The following MFRP variants were observed in gnomAD, a reference collection of about 807,000 sequenced individuals.
The protein encoded by MFRP is membrane frizzled-related protein.
A neutral mutation model predicts 65.8 loss-of-function variants in MFRP; 74 were observed. The observed-to-expected ratio is 1.12, with a 90% CI of 0.93 to 1.36. The LOEUF (loss-of-function observed/expected upper bound fraction) is 1.36, where lower values mean the gene tolerates loss of function less well. MFRP is among the 40% of genes most tolerant of loss of function. The pLI is 0.00. For synonymous variants in MFRP, 336 were observed against 288.3 expected, an observed-to-expected ratio of 1.17 and a Z score of -1.68; for missense variants, 838 against 736.0, an observed-to-expected ratio of 1.14 and a Z score of -1.60.
chr11:119,346,492 T>G lies in MFRP; in HGVS notation c.22A>C (p.Ile8Leu). ...GATTCTGTTGCCTCCATGCAGAGGATGACATCTGAGAAGTCCTTCATGGCA... is the reference window on the plus strand; with the variant it reads ...GATTCTGTTGCCTCCATGCAGAGGAGGACATCTGAGAAGTCCTTCATGGCA... Reference protein sequence around the residue: MKDFSDVILCMEATESSK... With the variant: MKDFSDVLLCMEATESSK... Residue 8 changes from isoleucine to leucine, a missense_variant, in exon 1 of 15, where the codon ATC becomes CTC. Coordinates refer to ENST00000619721, the MANE Select transcript of MFRP (RefSeq NM_031433.4). The G allele has an allele frequency of 6.2e-7, 1 of 1,614,126 alleles. No individual in the cohort carries two copies. The highest frequency in any genetic ancestry group is 8.5e-7 in the Non-Finnish European group (1 of 1,180,016).
rs1334606011 is a variant in MFRP at position 119,346,167 on chromosome 11, T to A, written c.158-8A>T. 6.3e-7 allele frequency: 1 copy of A among 1,582,622 alleles called. No homozygotes were observed. The highest frequency in any genetic ancestry group is 8.6e-7 in the Non-Finnish European group (1 of 1,163,864). On this transcript the variant is annotated splice_polypyrimidine_tract_variant and splice_region_variant and intron_variant, in intron 2 of 14. Transcript: ENST00000619721. ...GCCCTCGAGGACGCCGACCTGCGGG[T>A]TGGCAGGTGGGGTTTTGAAAGCCCC...
At chr11:119,340,499 C>T (rs965120899) in intron 13 of MFRP, 59 bp from the exon 14 acceptor site, 15 of 1,300,890 alleles carry the variant, frequency 1.2e-5, no homozygotes, top group East Asian at 5.2e-5. Context: ...CCTCTCTCCC[C>T]ACCCCGGCGC....
At position 119,339,213 on chromosome 11, in the gene MFRP, C is replaced by T. The variant is rs757093089; in HGVS notation, c.*1746G>A. On this transcript the variant is annotated 3_prime_UTR_variant, in exon 15 of 15. Coordinates refer to ENST00000619721, the MANE Select transcript of MFRP (RefSeq NM_031433.4). The surrounding 1 kb of genome is among the most constrained non-coding windows in gnomAD (Gnocchi z 5.4). ...CAGCAGCAGGACGGAGAGTGCTCTA[C>T]CCCACCTCCCTAGTCATTCACAATA... 8.4e-7 allele frequency: 1 copy of T among 1,191,906 alleles called. No homozygotes were observed. Among genetic ancestry groups the T allele is most frequent in the African/African-American group, 1.5e-5 (1 of 65,126 alleles). 73.8% of individuals were successfully genotyped at this position (1,191,906 alleles called of 1,614,324 possible). A position where few individuals can be genotyped will look rare whatever the true frequency, so the allele number is the denominator to read the frequency against.
intron 5 of MFRP, 81 bp from the exon 6 acceptor site, chr11:119,345,085 C>T (rs555188451): frequency 4.6e-5 from 71 of 1,532,866 alleles, no homozygotes; most frequent in Non-Finnish European, 1.8e-6. Flanking sequence ...CCTTGCAGTC[C>T]TATTTTCTCA....
rs777456147 is a variant in MFRP, at chr11:119,341,709, G to A, written c.1579C>T (p.Arg527Cys). ...RRLLCGLLVP[R>C]CTPLGSVLPP... ...AGAACACTGCCTAGTGGGGTGCAAC[G>A]GGGCACAAGCAGCCCACACAGGAGC... is the stretch of plus-strand genomic sequence containing the variant. Residue 527 changes from arginine to cysteine, a missense_variant, in exon 13 of 15, where the codon CGT becomes TGT. Arg to Cys is a radical substitution (Grantham distance 180). Transcript: ENST00000619721. The A allele has an allele frequency of 5.0e-6, 8 of 1,613,098 alleles. No homozygotes were observed. The East Asian group carries it at 6.7e-5, about 13-fold the overall frequency.
rs747148839 is a variant in MFRP, at chr11:119,339,856, G to A, written c.*1111-8C>T. 3.4e-6 allele frequency: 5 copies of A among 1,467,254 alleles called. No homozygotes were observed. The Admixed American group carries it at 1.3e-4, about 37-fold the overall frequency. The allele number at this position is 1,467,254 out of a possible 1,614,324, so 90.9% of individuals were successfully genotyped here. A position where few individuals can be genotyped will look rare whatever the true frequency, so the allele number is the denominator to read the frequency against. ...CTCGAGGTCCCGGCAGTCCTGCGGG[G>A]TAAGCGGGGCGGCAGGGTGAGAGTA... On this transcript the variant is annotated splice_region_variant and splice_polypyrimidine_tract_variant and intron_variant, in intron 14 of 14. Coordinates refer to ENST00000619721, the MANE Select transcript of MFRP (RefSeq NM_031433.4). The surrounding 1 kb of genome is among the most constrained non-coding windows in gnomAD (Gnocchi z 5.4).
chr11:119,344,804 T>G (rs1439640913), intron 6 of MFRP, 47 bp from the exon 7 acceptor site: 1 of 1,613,644 alleles, frequency 6.2e-7, no homozygotes, highest in Non-Finnish European at 8.5e-7. Flanking sequence ...TCTCCACCCC[T>G]TTGACAGGAC....
chr11:119,344,731 A>G lies in MFRP; in HGVS notation c.799T>C (p.Cys267Arg). ...GGTAGCAGGCAGATGAGCTGGTCAC[A>G]GCGGAACTCATCATGGGCACAGCTC... is the stretch of plus-strand genomic sequence containing the variant. ...RGSCAHDEFRCDQLICLLPDS... is the reference protein window; with the variant it reads ...RGSCAHDEFRRDQLICLLPDS... Residue 267 changes from cysteine to arginine, a missense_variant, in exon 7 of 15, where the codon TGT (cysteine) becomes CGT (arginine). Cys to Arg is a radical substitution (Grantham distance 180). Transcript: ENST00000619721. 1 of 1,614,070 alleles carries G rather than the reference A, an allele frequency of 6.2e-7. No homozygotes were observed. Among genetic ancestry groups the G allele is most frequent in the Non-Finnish European group, 8.5e-7 (1 of 1,180,026 alleles).
rs373753331 is a variant in MFRP at position 119,339,329 on chromosome 11, C to T, written c.*1630G>A. 4.3e-5 allele frequency: 69 copies of T among 1,612,034 alleles called. No individual in the cohort carries two copies. Among genetic ancestry groups the T allele is most frequent in the Non-Finnish European group, 5.1e-5 (60 of 1,178,868 alleles). ...GAGCATGAGCTCACTTTGCAGTGGG[C>T]ACTAAGCAAAGACTGGGGAGCTGTG... On this transcript the variant is annotated 3_prime_UTR_variant, in exon 15 of 15. Transcript: ENST00000619721. This position sits in a 1 kb window ranked among gnomAD's most constrained non-coding sequence, Gnocchi z 5.4.
chr11:119,344,786 G>A (rs1194681597), intron 6 of MFRP, 29 bp from the exon 7 acceptor site: 2 of 1,613,690 alleles, frequency 1.2e-6, no homozygotes, highest in Admixed American at 1.7e-5. Context: ...AGTCAGGGAG[G>A]CCCGGAGTCT....
rs537400541 is a variant in MFRP, at chr11:119,344,521, G to A, written c.898+111C>T. ...ACAAGTTCTGGGCCAAAGAATGACT[G>A]AGCAGGAAATGCTGACGGAGGGCCC... On this transcript the variant is annotated intron_variant, in intron 7 of 14. Transcript: ENST00000619721. The A allele has an allele frequency of 3.8e-6, 6 of 1,591,022 alleles. No individual in the cohort carries two copies. In the African/African-American group the frequency reaches 6.7e-5, roughly 18 times the overall value.
chr11:119,341,806 C>T, intron 12 of MFRP, 34 bp from the exon 13 acceptor site: 1 of 1,613,474 alleles, frequency 6.2e-7, no homozygotes, highest in East Asian at 2.2e-5. Flanking sequence ...GGCACCTGCT[C>T]CCAGGCTCCT....
Position 119,344,306 on chromosome 11 carries a change from T to C in MFRP, c.975+9A>G. ...GCCCCTCCCGTTCTGCATGGAGCACTGTGCTTACCAGTTGGTGAGGGTACT... is the reference window on the plus strand; with the variant it reads ...GCCCCTCCCGTTCTGCATGGAGCACCGTGCTTACCAGTTGGTGAGGGTACT... On this transcript the variant is annotated intron_variant, in intron 8 of 14. Transcript: ENST00000619721. 6.2e-7 allele frequency: 1 copy of C among 1,613,658 alleles called. No individual in the cohort carries two copies. Among genetic ancestry groups the C allele is most frequent in the Non-Finnish European group, 8.5e-7 (1 of 1,179,670 alleles).
In MFRP at chr11:119,344,891, G is replaced by GC. The variant is rs1189407840; in HGVS notation, c.754dup (p.Ala252GlyfsTer12). The GC allele has an allele frequency of 1.1e-5, 17 of 1,612,926 alleles. No individual in the cohort carries two copies. The highest frequency in any genetic ancestry group is 1.4e-5 in the Non-Finnish European group (17 of 1,179,884). The stretch of plus-strand genomic sequence containing the variant: ...ACACTCACCGCGCCCAGGGGCCATA[G>GC]CCTGGTACCAGGCATGGAAACCAAA... On this transcript the variant is annotated frameshift_variant, in exon 6 of 15. Transcript: ENST00000619721. LOFTEE classifies it high-confidence loss of function.
rs759871657 is a variant in MFRP, at chr11:119,339,481, C to A, written c.*1478G>T. The A allele has an allele frequency of 3.1e-6, 5 of 1,613,864 alleles. No individual in the cohort carries two copies. Among genetic ancestry groups the A allele is most frequent in the Middle Eastern group, 3.3e-4 (2 of 6,062 alleles). ...CCTCAGGCTCCAGCCTCACCATGGC[C>A]CCCCCCGAGAGCGAGGCTGGCTTGG... is the stretch of plus-strand genomic sequence containing the variant. On this transcript the variant is annotated 3_prime_UTR_variant, in exon 15 of 15. Coordinates refer to ENST00000619721, the MANE Select transcript of MFRP (RefSeq NM_031433.4). This position sits in a 1 kb window ranked among gnomAD's most constrained non-coding sequence, Gnocchi z 5.4.
chr11:119,342,605 G>A lies in MFRP; in HGVS notation c.1378C>T (p.Pro460Ser), dbSNP rs1272047137. Residue 460 changes from proline (P) to serine (S), a missense_variant, in exon 11 of 15, where the codon CCA becomes TCA. Pro to Ser is a moderately conservative substitution (Grantham distance 74). Coordinates refer to ENST00000619721, the MANE Select transcript of MFRP (RefSeq NM_031433.4). ...GGGGCAGGCTTCTCACCTGGGGGTG[G>A]GAACAAGGGGCCGCTGCAGTTGTCA... ...SDDNCSGPLF[P>S]PPELACEPVQ... is the part of the protein sequence containing the mutation. The A allele has an allele frequency of 6.2e-7, 1 of 1,613,220 alleles. No individual in the cohort carries two copies. Among genetic ancestry groups the A allele is most frequent in the Non-Finnish European group, 8.5e-7 (1 of 1,179,852 alleles).
Position 119,339,950 on chromosome 11 carries a change from C to A in MFRP, c.*1111-102G>T. Reference sequence around the variant, plus strand: ...GTACCCCTCCCCGCCCCTGCCTGAGCTTCGGCCAGCGCCTCCTCCCGCACG... The same window carrying A: ...GTACCCCTCCCCGCCCCTGCCTGAGATTCGGCCAGCGCCTCCTCCCGCACG... On this transcript the variant is annotated intron_variant, in intron 14 of 14. Transcript: ENST00000619721. This position sits in a 1 kb window ranked among gnomAD's most constrained non-coding sequence, Gnocchi z 5.4. The A allele has an allele frequency of 1.4e-6, 2 of 1,380,464 alleles. No individual in the cohort carries two copies. Among genetic ancestry groups the A allele is most frequent in the South Asian group, 3.1e-5 (2 of 64,626 alleles). The allele number at this position is 1,380,464 out of a possible 1,614,324, so 85.5% of individuals were successfully genotyped here.
At position 119,339,565 on chromosome 11, in the gene MFRP, A is replaced by G. The variant is rs778087130; in HGVS notation, c.*1394T>C. 4.3e-6 allele frequency: 7 copies of G among 1,613,350 alleles called. No individual in the cohort carries two copies. The African/African-American group carries it at 9.3e-5, about 22-fold the overall frequency. The stretch of plus-strand genomic sequence containing the variant: ...TGGATTCGCCATTCTTCACCAGATC[A>G]AACTGCAGGCTGGCCCGGTAGACGG... On this transcript the variant is annotated 3_prime_UTR_variant, in exon 15 of 15. Coordinates refer to ENST00000619721, the MANE Select transcript of MFRP (RefSeq NM_031433.4). This position sits in a 1 kb window ranked among gnomAD's most constrained non-coding sequence, Gnocchi z 5.4.
chr11:119,340,292 C>T lies in MFRP; in HGVS notation c.*1002G>A. 8 of 1,532,956 alleles carry T rather than the reference C, an allele frequency of 5.2e-6. No homozygotes were observed. The highest frequency in any genetic ancestry group is 6.1e-6 in the Non-Finnish European group (7 of 1,141,378). The allele number at this position is 1,532,956 out of a possible 1,614,324, so 95.0% of individuals were successfully genotyped here. A position where few individuals can be genotyped will look rare whatever the true frequency, so the allele number is the denominator to read the frequency against. On this transcript the variant is annotated 3_prime_UTR_variant, in exon 14 of 15. Transcript: ENST00000619721. The stretch of plus-strand genomic sequence containing the variant: ...TGGCTGCCATGGTGGCCCGGCGTGC[C>T]TGGAAGGCCGGGGTGCCCCGGGCAG...
Sources: gnomAD v4.1 joint callset for allele counts on GRCh38, gnomAD v4.1.1 for gene constraint, Gnocchi (gnomAD v3.1) non-coding constraint, MANE v1.5 for transcripts, NCBI Gene and HGNC (gene_info 2026-07-23, HGNC 2026-07-21) for gene names.